The following PPP1R36 variants were observed in gnomAD, a reference collection of about 807,000 sequenced individuals.
PPP1R36 encodes the protein chromosome 14 open reading frame 50.
Under a neutral mutation model 53.4 loss-of-function variants are expected in PPP1R36, and 47 were observed. The observed-to-expected ratio is 0.88, with a 90% CI of 0.70 to 1.12. The LOEUF (loss-of-function observed/expected upper bound fraction) is 1.12, where lower values mean the gene tolerates loss of function less well. Among genes scored for constraint, PPP1R36 ranks in the 50% most tolerant of loss-of-function variants. The pLI is 0.00. For synonymous variants in PPP1R36, 153 were observed against 170.5 expected (o/e 0.90, Z 0.80); for missense variants, 456 against 513.9 (o/e 0.89, Z 1.09).
intron 10 of PPP1R36, 66 bp from the exon 11 acceptor site, chr14:64,588,038 C>T: frequency 6.9e-7 from 1 of 1,459,152 alleles, no homozygotes; most frequent in Non-Finnish European, 9.3e-7. Context: ...GCCACTGCAC[C>T]TGGCCTCAAG....
At chr14:64,575,352 A>G (rs779341196) in intron 8 of PPP1R36, among the ~76,000 whole-genome samples, 2 of 152,134 alleles carry the variant, frequency 1.3e-5, no homozygotes, top group African/African-American at 2.4e-5. Context: ...TGGTATATAC[A>G]TTTTTGTATT....
chr14:64,572,136 T>C (rs1004108053), intron 7 of PPP1R36, among the ~76,000 whole-genome samples: 1 of 152,194 alleles, frequency 6.6e-6, no homozygotes, highest in African/African-American at 2.4e-5. Context: ...CATAAAAGTT[T>C]CCTCCTAATT....
intron 3 of PPP1R36, among the ~76,000 whole-genome samples, chr14:64,561,507 G>A (rs1003116897): frequency 6.6e-6 from 1 of 152,160 alleles, no homozygotes; most frequent in Non-Finnish European, 1.5e-5. Context: ...TGGTTTGAAG[G>A]GAGACCTGGG....
intron 7 of PPP1R36, among the ~76,000 whole-genome samples, chr14:64,568,931 G>C (rs914778896): frequency 6.6e-6 from 1 of 152,072 alleles, no homozygotes; most frequent in African/African-American, 2.4e-5. Flanking sequence ...CATGTGGCTA[G>C]TGGCAACCAT....
intron 3 of PPP1R36, among the ~76,000 whole-genome samples, chr14:64,563,625 T>C (rs1253272907): frequency 6.6e-6 from 1 of 152,180 alleles, no homozygotes; most frequent in Non-Finnish European, 1.5e-5. Context: ...ATTACTGTCA[T>C]GGGGAGGTAT....
chr14:64,577,330 T>A (rs953727775), intron 8 of PPP1R36, among the ~76,000 whole-genome samples: 3 of 152,214 alleles, frequency 2.0e-5, no homozygotes, highest in Non-Finnish European at 4.4e-5. Flanking sequence ...AACATTCAGC[T>A]CATTGCACCA....
In PPP1R36 at chr14:64,562,538, T is replaced by C. The variant is rs187708533; in HGVS notation, c.183-2213T>C. 2.2e-3 allele frequency among the ~76,000 whole-genome samples: 330 copies of C among 152,258 alleles called. 1 individual carries two copies. Among genetic ancestry groups the C allele is most frequent in the Non-Finnish European group, 3.8e-3 (256 of 68,024 alleles). On this transcript the variant is annotated intron_variant, in intron 3 of 11. Transcript: ENST00000298705. ...TGAGCATAGGCTGCTTTCAGGGCTA[T>C]GGCAGAGCACTCACTCACAAAGTGG...
In PPP1R36 at chr14:64,554,142, G is replaced by GTTTTTTT. The variant is rs367753961; in HGVS notation, c.182+1301_182+1307dup. On this transcript the variant is annotated intron_variant, in intron 3 of 11. Coordinates refer to ENST00000298705, the MANE Select transcript of PPP1R36 (RefSeq NM_172365.3). ...AGTCTGAGCAAATCCCATCACAATT[G>GTTTTTTT]TTTTTTTTTTTTTTTTTTTTTTTTT... Among the ~76,000 whole-genome samples the GTTTTTTT allele has an allele frequency of 2.3e-3, 152 of 65,290 alleles. 23 individuals are homozygous for GTTTTTTT. The highest frequency in any genetic ancestry group is 9.1e-3 in the African/African-American group (146 of 16,114). 42.8% of individuals were successfully genotyped at this position (65,290 alleles called of 152,430 possible). A position where few individuals can be genotyped will look rare whatever the true frequency, so the allele number is the denominator to read the frequency against.
At chr14:64,576,685 C>T (rs964619440) in intron 8 of PPP1R36, among the ~76,000 whole-genome samples, 18 of 152,096 alleles carry the variant, frequency 1.2e-4, no homozygotes, top group Non-Finnish European at 1.9e-4. Flanking sequence ...GATCCACTTC[C>T]AAGGCCCAGC....
chr14:64,551,210 A>C (rs1483991086), intron 2 of PPP1R36, among the ~76,000 whole-genome samples: 1 of 152,222 alleles, frequency 6.6e-6, no homozygotes, highest in Non-Finnish European at 1.5e-5. Flanking sequence ...GCTGCATGTT[A>C]ACCAATTTAC....
At position 64,571,308 on chromosome 14, in the gene PPP1R36, G is replaced by A. The variant is rs2080301678; in HGVS notation, c.533+2861G>A. Among the ~76,000 whole-genome samples the A allele has an allele frequency of 3.3e-5, 5 of 151,990 alleles. No individual in the cohort carries two copies. In the South Asian group the frequency reaches 8.3e-4, roughly 25 times the overall value. ...GCCTGGCTAATTTTTTATATTTTTG[G>A]TAGGGATAGAGTTTCACCATGTTGG... On this transcript the variant is annotated intron_variant, in intron 7 of 11. Coordinates refer to ENST00000298705, the MANE Select transcript of PPP1R36 (RefSeq NM_172365.3).
chr14:64,567,989 G>A (rs898710052), intron 6 of PPP1R36, among the ~76,000 whole-genome samples: 4 of 152,204 alleles, frequency 2.6e-5, no homozygotes, highest in African/African-American at 9.7e-5. Flanking sequence ...CCACTAGGGA[G>A]TAGGATGGTG....
chr14:64,563,227 A>C (rs1239826097), intron 3 of PPP1R36, among the ~76,000 whole-genome samples: 3 of 152,252 alleles, frequency 2.0e-5, no homozygotes, highest in African/African-American at 7.2e-5. Context: ...GCTAGAGTGC[A>C]GTGGTGTGAT....
intron 8 of PPP1R36, among the ~76,000 whole-genome samples, chr14:64,575,218 T>C (rs1286127122): frequency 6.6e-6 from 1 of 152,208 alleles, no homozygotes; most frequent in Non-Finnish European, 1.5e-5. Flanking sequence ...GAACAGTTTT[T>C]TTCCCCCATA....
intron 3 of PPP1R36, among the ~76,000 whole-genome samples, chr14:64,560,488 G>C (rs1373175940): frequency 6.6e-6 from 1 of 151,530 alleles, no homozygotes; most frequent in Non-Finnish European, 1.5e-5. Flanking sequence ...ATGGAAAATT[G>C]TTTGCGGGGA....
chr14:64,561,135 C>G (rs920910812), intron 3 of PPP1R36, among the ~76,000 whole-genome samples: 1 of 152,170 alleles, frequency 6.6e-6, no homozygotes, highest in Non-Finnish European at 1.5e-5. Flanking sequence ...ACTTAAGACC[C>G]TGAAAGTTCT....
At chr14:64,555,670 C>T (rs1408823387) in intron 3 of PPP1R36, among the ~76,000 whole-genome samples, 2 of 152,094 alleles carry the variant, frequency 1.3e-5, no homozygotes, top group African/African-American at 4.8e-5. Flanking sequence ...CATGATCACA[C>T]CTGGGAATAG....
chr14:64,586,631 A>G, intron 8 of PPP1R36: 2 of 432,160 alleles, frequency 4.6e-6, no homozygotes, highest in African/African-American at 2.0e-5. Context: ...ACTTTTTACC[A>G]TTCTAGGAGT....
intron 7 of PPP1R36, among the ~76,000 whole-genome samples, chr14:64,572,298 G>A (rs2080309630): frequency 6.6e-6 from 1 of 152,076 alleles, no homozygotes; most frequent in Non-Finnish European, 1.5e-5. Flanking sequence ...AAGCGCATCC[G>A]TTTCAACAAA....
Sources: gnomAD v4.1 joint callset for allele counts (sites outside exome capture counted in the v4.1 genomes callset) on GRCh38, gnomAD v4.1.1 for gene constraint, MANE v1.5 for transcripts, NCBI Gene and HGNC (gene_info 2026-07-23, HGNC 2026-07-21) for gene names.